BROX: variants seen among roughly 807,000 people sequenced by gnomAD.
BROX encodes BRO1 domain and CAAX motif containing.
A neutral mutation model predicts 61.0 loss-of-function variants in BROX; 53 were observed. That is an observed-to-expected ratio of 0.87 (90% CI 0.70 to 1.09). The LOEUF (loss-of-function observed/expected upper bound fraction) is 1.09, where lower values mean the gene tolerates loss of function less well. Ranked by LOEUF, BROX falls within the 50% of genes least tolerant of loss-of-function variation. BROX has a pLI of 0.00. For synonymous variants in BROX, 152 were observed against 160.2 expected (o/e 0.95, Z 0.38); for missense variants, 489 against 472.0 (o/e 1.04, Z -0.33).
At position 222,732,676 on chromosome 1, in the gene BROX, A is replaced by C. The variant is rs780773590; in HGVS notation, c.1198A>C (p.Ile400Leu). ...EEVKPVKEPD[I>L]KPQKDTGCYI... is the part of the protein sequence containing the mutation. ...AGTGAAACCTGTGAAAGAACCAGAC[A>C]TCAAACCTCAAAAGGACACTGGGTG... The change falls in exon 13 of 13, where the codon ATC (isoleucine) becomes CTC (leucine). Residue 400 changes from isoleucine (I) to leucine (L), a missense_variant. Physicochemically the swap from Ile to Leu is conservative, Grantham distance 5. Transcript: ENST00000340934. The C allele has an allele frequency of 1.9e-6, 3 of 1,613,668 alleles. No individual in the cohort carries two copies. Among genetic ancestry groups the C allele is most frequent in the Non-Finnish European group, 2.5e-6 (3 of 1,179,794 alleles).
rs139967751 is a variant in BROX, at chr1:222,722,488, T to C, written c.375T>C (p.Tyr125=). 10 of 1,612,816 alleles carry C rather than the reference T, an allele frequency of 6.2e-6. No homozygotes were observed. The African/African-American group carries it at 9.3e-5, about 15-fold the overall frequency. ...ATGTAGCTTTATGGTATACCAAATA[T>C]GCTTCAAGACTGGCTGGAAAAGAAA... ...GFNVALWYTK[Y]ASRLAGKENI... The change falls in exon 5 of 13, where the codon TAT becomes TAC. Residue 125 remains tyrosine, a synonymous_variant. Transcript: ENST00000340934.
chr1:222,727,218 G>T lies in BROX; in HGVS notation c.631G>T (p.Ala211Ser). 1 of 1,613,638 alleles carries T rather than the reference G, an allele frequency of 6.2e-7. No homozygotes were observed. Among genetic ancestry groups the T allele is most frequent in the Non-Finnish European group, 8.5e-7 (1 of 1,179,776 alleles). Reference protein sequence around the residue: ...ELKHAPGLIAALAYETANFYQ... With the variant: ...ELKHAPGLIASLAYETANFYQ... Reference sequence around the variant, plus strand: ...AAAACATGCTCCTGGACTAATTGCTGCACTGGCGTATGAAACAGCCAATTT... The same window carrying T: ...AAAACATGCTCCTGGACTAATTGCTTCACTGGCGTATGAAACAGCCAATTT... Residue 211 changes from alanine (A) to serine (S), a missense_variant, in exon 8 of 13, where the codon GCA (alanine) becomes TCA (serine). By Grantham distance (99) the Ala-to-Ser change is moderately conservative. Coordinates refer to ENST00000340934, the MANE Select transcript of BROX (RefSeq NM_144695.4).
intron 4 of BROX, among the ~76,000 whole-genome samples, chr1:222,719,600 A>G (rs1037778345): frequency 6.6e-6 from 1 of 152,250 alleles, no homozygotes; most frequent in Non-Finnish European, 1.5e-5. Context: ...ACAGTTGAAC[A>G]GCCTTGACCT....
Position 222,731,236 on chromosome 1 carries a change from T to A in BROX, c.990-121T>A, listed in dbSNP as rs1275150830. Reference sequence around the variant, plus strand: ...TTCTTGACTTTTTCACTTTCCTACATAAGGCAGAAAAACCTCTTATCCATC... The same window carrying A: ...TTCTTGACTTTTTCACTTTCCTACAAAAGGCAGAAAAACCTCTTATCCATC... On this transcript the variant is annotated intron_variant, in intron 11 of 12. Transcript: ENST00000340934. 3.7e-6 allele frequency: 3 copies of A among 817,758 alleles called. No individual in the cohort carries two copies. The Admixed American group carries it at 1.1e-4, about 31-fold the overall frequency. 50.7% of individuals were successfully genotyped at this position (817,758 alleles called of 1,614,324 possible).
At chr1:222,722,387 A>C in intron 4 of BROX, 32 bp from the exon 5 acceptor site, 3 of 1,557,064 alleles carry the variant, frequency 1.9e-6, no homozygotes, top group Non-Finnish European at 2.7e-6. Flanking sequence ...TGGATAATTG[A>C]CAGAACTTAA....
At position 222,733,938 on chromosome 1, in the gene BROX, T is replaced by C. The variant is rs925207412; in HGVS notation, c.*1224T>C. The C allele has an allele frequency of 6.6e-6, 1 of 152,228 alleles. No individual in the cohort carries two copies. Among genetic ancestry groups the C allele is most frequent in the African/African-American group, 2.4e-5 (1 of 41,468 alleles). 9.4% of individuals were successfully genotyped at this position (152,228 alleles called of 1,614,324 possible). On this transcript the variant is annotated 3_prime_UTR_variant, in exon 13 of 13. Transcript: ENST00000340934. The stretch of plus-strand genomic sequence containing the variant: ...TACTTCTTTATTAAAGAAGTTATAG[T>C]AAGATGCCTTTGTTACCTGATTTCA...
At chr1:222,731,545 C>G in intron 12 of BROX, 29 bp downstream of exon 12, 1 of 1,564,372 alleles carries the variant, frequency 6.4e-7, no homozygotes, top group Non-Finnish European at 8.6e-7. Flanking sequence ...TTTTCCCTCT[C>G]ATTCACAAAA....
Position 222,715,735 on chromosome 1 carries a change from C to T in BROX, c.36C>T (p.Ala12=). ...GGTTTCATAGGAACCCATTAAAAGC[C>T]ACAGCTCCTGTGTCTTTTAATTACT... ...THWFHRNPLK[A]TAPVSFNYYG... Residue 12 remains alanine, a synonymous_variant, in exon 2 of 13, where the codon GCC becomes GCT. Coordinates refer to ENST00000340934, the MANE Select transcript of BROX (RefSeq NM_144695.4). 6.3e-7 allele frequency: 1 copy of T among 1,588,762 alleles called. No individual in the cohort carries two copies. Among genetic ancestry groups the T allele is most frequent in the Non-Finnish European group, 8.6e-7 (1 of 1,166,102 alleles).
chr1:222,731,346 A>AT lies in BROX; in HGVS notation c.990-5dup. Reference sequence around the variant, plus strand: ...AAATGAATGAATTGCTATTTAAATTATTTTTTGCAGTTACTTTCAAAAAAT... The same window carrying AT: ...AAATGAATGAATTGCTATTTAAATTATTTTTTTGCAGTTACTTTCAAAAAAT... On this transcript the variant is annotated splice_polypyrimidine_tract_variant and intron_variant, in intron 11 of 12. Coordinates refer to ENST00000340934, the MANE Select transcript of BROX (RefSeq NM_144695.4). 6.4e-7 allele frequency: 1 copy of AT among 1,556,692 alleles called. No homozygotes were observed. Among genetic ancestry groups the AT allele is most frequent in the Admixed American group, 2.4e-5 (1 of 42,326 alleles).
chr1:222,732,338 A>G (rs1271774851), intron 12 of BROX, among the ~76,000 whole-genome samples: 3 of 152,178 alleles, frequency 2.0e-5, no homozygotes, highest in Non-Finnish European at 2.9e-5. Context: ...AGCATTAGGT[A>G]TATCTCCTAA....
At chr1:222,719,581 A>T (rs568067174) in intron 4 of BROX, among the ~76,000 whole-genome samples, 1 of 152,370 alleles carries the variant, frequency 6.6e-6, no homozygotes, top group African/African-American at 2.4e-5. Flanking sequence ...ATCAATACAG[A>T]TGTTAACTAC....
intron 5 of BROX, among the ~76,000 whole-genome samples, chr1:222,722,990 G>A (rs566418349): frequency 3.0e-4 from 46 of 152,298 alleles, no homozygotes; most frequent in African/African-American, 1.1e-3. Context: ...TGTTTTGCAG[G>A]ATTAAATAAT....
chr1:222,718,000 A>G (rs1656765305), intron 2 of BROX: 1 of 152,180 alleles, frequency 6.6e-6, no homozygotes, highest in Non-Finnish European at 1.5e-5. Context: ...CACTAAGCTA[A>G]TTGCCTTCTG....
chr1:222,723,558 A>G (rs932519953), intron 5 of BROX, among the ~76,000 whole-genome samples: 1 of 152,150 alleles, frequency 6.6e-6, no homozygotes, highest in Non-Finnish European at 1.5e-5. Context: ...ACTTGTTTTC[A>G]AGACCTTTTT....
At position 222,727,228 on chromosome 1, in the gene BROX, A is replaced by C; in HGVS notation, c.641A>C (p.Tyr214Ser). The C allele has an allele frequency of 6.2e-7, 1 of 1,613,304 alleles. No homozygotes were observed. Among genetic ancestry groups the C allele is most frequent in the Non-Finnish European group, 8.5e-7 (1 of 1,179,484 alleles). ...HAPGLIAALA[Y>S]ETANFYQKAD... The stretch of plus-strand genomic sequence containing the variant: ...CCTGGACTAATTGCTGCACTGGCGT[A>C]TGAAACAGCCAATTTCTATCAAAAA... Residue 214 changes from tyrosine to serine, a missense_variant, in exon 8 of 13, where the codon TAT becomes TCT. Tyr to Ser is a moderately radical substitution (Grantham distance 144). Transcript: ENST00000340934.
rs769332177 is a variant in BROX at position 222,722,522 on chromosome 1, A to G, written c.401+8A>G. 3 of 1,561,784 alleles carry G rather than the reference A, an allele frequency of 1.9e-6. No individual in the cohort carries two copies. The Admixed American group carries it at 5.0e-5, about 26-fold the overall frequency. ...ACTGGCTGGAAAAGAAAAGTAAGTT[A>G]ATAGGAGAGGATTGTGTACATCTGT... On this transcript the variant is annotated splice_region_variant and intron_variant, in intron 5 of 12. Coordinates refer to ENST00000340934, the MANE Select transcript of BROX (RefSeq NM_144695.4).
intron 4 of BROX, among the ~76,000 whole-genome samples, chr1:222,720,491 G>A (rs564314343): frequency 4.4e-4 from 67 of 151,878 alleles, no homozygotes; most frequent in African/African-American, 1.4e-3. Context: ...GCATTTTTCC[G>A]ACCATGCAAC....
At chr1:222,714,920 TG>T in intron 1 of BROX, among the ~76,000 whole-genome samples, 1 of 152,278 alleles carries the variant, frequency 6.6e-6, no homozygotes, top group Non-Finnish European at 1.5e-5. Context: ...GATCAAGTAT[TG>T]TATTACATTT....
chr1:222,719,386 T>C, intron 4 of BROX, 27 bp downstream of exon 4: 1 of 1,505,804 alleles, frequency 6.6e-7, no homozygotes, highest in Non-Finnish European at 9.2e-7. Context: ...TAATACTAAA[T>C]TGGAGCCAGT....
Sources: allele counts gnomAD v4.1 joint callset (sites outside exome capture counted in the v4.1 genomes callset), GRCh38; gene constraint gnomAD v4.1.1; transcripts MANE v1.5; gene names NCBI Gene and HGNC (gene_info 2026-07-23, HGNC 2026-07-21).